The following LBP variants were observed in gnomAD, a reference collection of about 807,000 sequenced individuals.
LBP encodes lipopolysaccharide binding protein, also known as lipopolysaccharide-binding protein.
In LBP, 53 loss-of-function variants were observed where a neutral mutation model predicts 56.6. The observed-to-expected ratio is 0.94, with a 90% CI of 0.75 to 1.18. The LOEUF is 1.18. Ranked by LOEUF, LBP falls within the 50% of genes most tolerant of loss-of-function variation. The probability of loss-of-function intolerance (pLI) is 0.00; values close to 1 mark genes in which losing one functional copy is unlikely to be tolerated. For missense variants in LBP, 601 were observed against 598.3 expected, an observed-to-expected ratio of 1.00 and a Z score of -0.05; for synonymous variants, 227 against 247.5, an observed-to-expected ratio of 0.92 and a Z score of 0.78.
intron 2 of LBP, 128 bp downstream of exon 2, chr20:38,349,790 T>G (rs2076814382): frequency 3.1e-6 from 2 of 644,982 alleles, no homozygotes; most frequent in Non-Finnish European, 5.3e-6. Context: ...GACAGTGGGA[T>G]AGTTCCCTGA....
chr20:38,370,734 C>T lies in LBP; in HGVS notation c.1150-4C>T. The T allele has an allele frequency of 6.2e-7, 1 of 1,613,818 alleles. No homozygotes were observed. Among genetic ancestry groups the T allele is most frequent in the Non-Finnish European group, 8.5e-7 (1 of 1,179,736 alleles). ...CACCTGCTTCCTTCTTCTGGCATTTCCAGGCCACTAATGTGTCCGCCACCT... is the reference window on the plus strand; with the variant it reads ...CACCTGCTTCCTTCTTCTGGCATTTTCAGGCCACTAATGTGTCCGCCACCT... On this transcript the variant is annotated splice_polypyrimidine_tract_variant and splice_region_variant and intron_variant, in intron 10 of 14. Transcript: ENST00000217407.
At chr20:38,360,269 A>C (rs1361157676) in intron 5 of LBP, among the ~76,000 whole-genome samples, 4 of 152,084 alleles carry the variant, frequency 2.6e-5, no homozygotes, top group Non-Finnish European at 1.5e-5. Flanking sequence ...CAAAAAAAAA[A>C]AAAAACAAAA....
At chr20:38,350,081 T>C (rs2076815200) in intron 2 of LBP, among the ~76,000 whole-genome samples, 1 of 152,108 alleles carries the variant, frequency 6.6e-6, no homozygotes, top group African/African-American at 2.4e-5. Context: ...CAGGAGAAGG[T>C]GGCATTTGAG....
intron 14 of LBP, among the ~76,000 whole-genome samples, chr20:38,376,367 C>T (rs1229908314): frequency 2.0e-5 from 3 of 152,056 alleles, no homozygotes; most frequent in East Asian, 1.9e-4. Context: ...ATTTAGGTGA[C>T]GCAAAGGACA....
At chr20:38,363,940 T>A (rs2076870834) in intron 6 of LBP, 35 bp from the exon 7 acceptor site, 1 of 1,478,554 alleles carries the variant, frequency 6.8e-7, no homozygotes, top group Admixed American at 1.7e-5. Context: ...GAAAGTGTCA[T>A]CTGGCCCCTA....
intron 8 of LBP, among the ~76,000 whole-genome samples, chr20:38,366,120 A>G (rs1206680656): frequency 6.6e-6 from 1 of 152,218 alleles, no homozygotes; most frequent in African/African-American, 2.4e-5. Context: ...TTGAGGCCTC[A>G]TGAATAATGT....
chr20:38,376,429 A>G (rs191671539), intron 14 of LBP, among the ~76,000 whole-genome samples, 196 bp from the exon 15 acceptor site: 4 of 152,248 alleles, frequency 2.6e-5, no homozygotes, highest in East Asian at 1.9e-4. Context: ...ATCGATCTCT[A>G]CCTTGGAGAA....
chr20:38,360,288 T>C (rs2076855313), intron 5 of LBP, among the ~76,000 whole-genome samples: 3 of 151,956 alleles, frequency 2.0e-5, no homozygotes, highest in Admixed American at 2.0e-4. Context: ...AAAAACTATC[T>C]ACATTAACTG....
chr20:38,364,087 C>A (rs2076871800), intron 7 of LBP, 21 bp downstream of exon 7: 3 of 1,551,424 alleles, frequency 1.9e-6, no homozygotes, highest in Non-Finnish European at 2.7e-6. Context: ...TGGGGCCGGG[C>A]TGCGTGGGTG....
At position 38,360,854 on chromosome 20, in the gene LBP, G is replaced by A. The variant is rs537637095; in HGVS notation, c.652+87G>A. 166 of 1,020,612 alleles carry A rather than the reference G, an allele frequency of 1.6e-4. 1 individual carries two copies. The South Asian group carries it at 2.2e-3, about 13-fold the overall frequency. The allele number at this position is 1,020,612 out of a possible 1,614,324, so 63.2% of individuals were successfully genotyped here. ...TATATCTTATAAAATAGTAAATGGG[G>A]CAAAAATATAGAAAGTAAAAATTAA... On this transcript the variant is annotated intron_variant, in intron 6 of 14. Coordinates refer to ENST00000217407, the MANE Select transcript of LBP (RefSeq NM_004139.5).
At chr20:38,347,688 G>C (rs150133816) in intron 1 of LBP, among the ~76,000 whole-genome samples, 1 of 152,144 alleles carries the variant, frequency 6.6e-6, no homozygotes. Context: ...CTTCTGGGCC[G>C]GGGGTTTGTC....
chr20:38,376,873 T>C lies in LBP; in HGVS notation c.*204T>C, dbSNP rs564502070. 7.5e-5 allele frequency: 52 copies of C among 697,584 alleles called. No individual in the cohort carries two copies. The African/African-American group carries it at 7.5e-4, about 10-fold the overall frequency. The allele number at this position is 697,584 out of a possible 1,614,324, so 43.2% of individuals were successfully genotyped here. Reference sequence around the variant, plus strand: ...CTCTGAGTCTGGACTTTGCTTCCCCTCCAGGAGGGACCACCCTCCCCGACT... The same window carrying C: ...CTCTGAGTCTGGACTTTGCTTCCCCCCCAGGAGGGACCACCCTCCCCGACT... On this transcript the variant is annotated 3_prime_UTR_variant, in exon 15 of 15. Transcript: ENST00000217407.
At position 38,350,899 on chromosome 20, in the gene LBP, A is replaced by G. The variant is rs1429204144; in HGVS notation, c.328A>G (p.Ile110Val). ...GLSLSISDSS[I>V]RVQGRWKVRK... ...GAGTCTCAGCATCTCCGACTCCTCC[A>G]TCCGGGTCCAGGGCAGGTGGAAGGT... Residue 110 changes from isoleucine to valine, a missense_variant, in exon 3 of 15, where the codon ATC becomes GTC. Transcript: ENST00000217407. The G allele has an allele frequency of 1.4e-5, 23 of 1,614,016 alleles. No homozygotes were observed. Among genetic ancestry groups the G allele is most frequent in the Non-Finnish European group, 1.9e-5 (22 of 1,179,952 alleles).
At chr20:38,356,627 C>G (rs988918238) in intron 5 of LBP, among the ~76,000 whole-genome samples, 4 of 152,076 alleles carry the variant, frequency 2.6e-5, no homozygotes, top group Non-Finnish European at 4.4e-5. Flanking sequence ...ACTCAGGCAC[C>G]CTGTTGCCAT....
Position 38,371,749 on chromosome 20 carries a change from C to G in LBP, c.1260+427C>G, listed in dbSNP as rs1420091040. 5.9e-5 allele frequency among the ~76,000 whole-genome samples: 9 copies of G among 152,224 alleles called. No individual in the cohort carries two copies. The East Asian group carries it at 1.5e-3, about 26-fold the overall frequency. On this transcript the variant is annotated intron_variant, in intron 12 of 14. Transcript: ENST00000217407. ...TGTTTTCATTTGTGTTAGCTTCACT[C>G]TCAGGCAGGCTCTTCCAATTGGTAG...
intron 9 of LBP, among the ~76,000 whole-genome samples, chr20:38,368,104 C>A (rs6025214): frequency 0.019 from 2,861 of 151,986 alleles, 89 homozygotes; most frequent in African/African-American, 0.065. Context: ...AAGAGTAATA[C>A]GAGAAAATTA....
At chr20:38,364,834 ATCAG>A (rs1197875291) in intron 8 of LBP, 82 bp downstream of exon 8, 3 of 1,250,948 alleles carry the variant, frequency 2.4e-6, no homozygotes, top group Non-Finnish European at 3.4e-6. Context: ...CCCTGTTGAC[ATCAG>A]TCAAATAGTG....
At chr20:38,362,375 G>A (rs1228594069) in intron 6 of LBP, among the ~76,000 whole-genome samples, 2 of 147,484 alleles carry the variant, frequency 1.4e-5, no homozygotes, top group Non-Finnish European at 3.0e-5. Flanking sequence ...CATTTAGGGA[G>A]GCCGAGGCGG....
intron 3 of LBP, among the ~76,000 whole-genome samples, chr20:38,351,428 C>T (rs1440468479): frequency 2.0e-5 from 3 of 152,040 alleles, no homozygotes; most frequent in Admixed American, 6.6e-5. Flanking sequence ...GCTGTCACCC[C>T]GTCCTCCTGC....
Sources: gnomAD v4.1 joint callset for allele counts (sites outside exome capture counted in the v4.1 genomes callset) on GRCh38, gnomAD v4.1.1 for gene constraint, MANE v1.5 for transcripts, NCBI Gene and HGNC (gene_info 2026-07-23, HGNC 2026-07-21) for gene names.